The following PCSK2 variants were observed in gnomAD, a reference collection of about 807,000 sequenced individuals.
PCSK2 encodes proprotein convertase subtilisin/kexin type 2.
In PCSK2, 14 loss-of-function variants were observed where a neutral mutation model predicts 69.7. The observed-to-expected ratio is 0.20, with a 90% CI of 0.13 to 0.31. The LOEUF is 0.31. Among genes scored for constraint, PCSK2 ranks in the 10% least tolerant of loss-of-function variants. The pLI, the probability that PCSK2 is intolerant of heterozygous loss-of-function variation, is 1.00. For synonymous variants in PCSK2, 307 were observed against 320.7 expected, an observed-to-expected ratio of 0.96 and a Z score of 0.46; for missense variants, 544 against 842.5, an observed-to-expected ratio of 0.65 and a Z score of 4.39.
At chr20:17,249,840 G>T (rs193029982) in intron 1 of PCSK2, among the ~76,000 whole-genome samples, 1 of 152,080 alleles carries the variant, frequency 6.6e-6, no homozygotes, top group Non-Finnish European at 1.5e-5. Flanking sequence ...CAGGGCTGGG[G>T]GGGGAATGGA....
chr20:17,356,042 A>G (rs1455324397), intron 2 of PCSK2, among the ~76,000 whole-genome samples: 1 of 152,216 alleles, frequency 6.6e-6, no homozygotes, highest in Non-Finnish European at 1.5e-5. Context: ...TAGAGGATAT[A>G]CATGTGTGTG....
intron 2 of PCSK2, among the ~76,000 whole-genome samples, chr20:17,274,229 T>C (rs927195604): frequency 5.3e-5 from 8 of 152,284 alleles, no homozygotes; most frequent in African/African-American, 1.7e-4. Flanking sequence ...TATAATTGTA[T>C]TGGCAGCAAT....
intron 7 of PCSK2, among the ~76,000 whole-genome samples, chr20:17,432,051 C>T (rs1162696064): frequency 6.6e-6 from 1 of 152,164 alleles, no homozygotes; most frequent in African/African-American, 2.4e-5. Flanking sequence ...TCCACGCTGT[C>T]TCCAGAAAAA....
At chr20:17,476,040 T>C (rs1176229237) in intron 11 of PCSK2, among the ~76,000 whole-genome samples, 1 of 152,232 alleles carries the variant, frequency 6.6e-6, no homozygotes, top group Non-Finnish European at 1.5e-5. Flanking sequence ...AGCCCGATTC[T>C]GGGCCTGGCT....
intron 1 of PCSK2, among the ~76,000 whole-genome samples, chr20:17,231,259 T>C (rs923172349): frequency 1.3e-5 from 2 of 152,216 alleles, no homozygotes; most frequent in Non-Finnish European, 2.9e-5. Flanking sequence ...ATTTTTTAAT[T>C]TTGAAAACAA....
At chr20:17,278,960 C>T (rs999630251) in intron 2 of PCSK2, among the ~76,000 whole-genome samples, 12 of 152,086 alleles carry the variant, frequency 7.9e-5, no homozygotes, top group South Asian at 6.2e-4. Context: ...ATCCCCTAAA[C>T]GATCCATTGC....
At chr20:17,383,891 C>T (rs866537555) in intron 5 of PCSK2, among the ~76,000 whole-genome samples, 19 of 152,122 alleles carry the variant, frequency 1.2e-4, no homozygotes, top group African/African-American at 4.3e-4. Context: ...TAATTATAAT[C>T]GTGGATTCTA....
chr20:17,287,030 G>A (rs1188791309), intron 2 of PCSK2, among the ~76,000 whole-genome samples: 3 of 152,302 alleles, frequency 2.0e-5, no homozygotes, highest in East Asian at 3.9e-4. Flanking sequence ...CAGTCTGGAG[G>A]CAGAATTCCC....
At chr20:17,242,425 G>A (rs1190966493) in intron 1 of PCSK2, among the ~76,000 whole-genome samples, 1 of 152,242 alleles carries the variant, frequency 6.6e-6, no homozygotes, top group Non-Finnish European at 1.5e-5. Context: ...ATTGAAAGGG[G>A]TTGATTCTAC....
intron 2 of PCSK2, among the ~76,000 whole-genome samples, chr20:17,319,004 A>G (rs953007713): frequency 6.6e-6 from 1 of 152,248 alleles, no homozygotes; most frequent in Admixed American, 6.5e-5. Flanking sequence ...AAGACAGATC[A>G]TGCTTTGTGA....
chr20:17,231,838 G>A (rs1443202722), intron 1 of PCSK2, among the ~76,000 whole-genome samples: 2 of 152,082 alleles, frequency 1.3e-5, no homozygotes, highest in South Asian at 2.1e-4. Context: ...AAGGAATTGA[G>A]TTTCTTGTGG....
At chr20:17,273,595 T>A (rs1987949092) in intron 2 of PCSK2, among the ~76,000 whole-genome samples, 1 of 152,190 alleles carries the variant, frequency 6.6e-6, no homozygotes, top group Non-Finnish European at 1.5e-5. Context: ...TGCCTGCCCC[T>A]ACTCCATGAA....
At chr20:17,322,716 A>G (rs987034103) in intron 2 of PCSK2, among the ~76,000 whole-genome samples, 2 of 152,210 alleles carry the variant, frequency 1.3e-5, no homozygotes, top group African/African-American at 4.8e-5. Context: ...GGGAAGGAAC[A>G]CTGTGTCCTC....
At chr20:17,378,590 CGGATGGATGGATGGATGGATGGAT>C (rs57945532) in intron 5 of PCSK2, among the ~76,000 whole-genome samples, 7 of 136,302 alleles carry the variant, frequency 5.1e-5, no homozygotes, top group South Asian at 5.0e-4. Context: ...GATGGATGGA[CGGATGGATGGATGGATGGATGGAT>C]GGATGGATGG....
At chr20:17,440,394 A>G (rs1423892340) in intron 8 of PCSK2, among the ~76,000 whole-genome samples, 1 of 152,210 alleles carries the variant, frequency 6.6e-6, no homozygotes, top group Non-Finnish European at 1.5e-5. Flanking sequence ...CCTACAATGA[A>G]TAGAAAAGGG....
At chr20:17,299,589 G>A (rs1016471381) in intron 2 of PCSK2, among the ~76,000 whole-genome samples, 13 of 151,122 alleles carry the variant, frequency 8.6e-5, no homozygotes, top group Non-Finnish European at 1.6e-4. Flanking sequence ...TCCAAATACC[G>A]GAAGAATTAT....
rs8125937 is a variant in PCSK2 at position 17,325,719 on chromosome 20, A to T, written c.283-32608A>T. ...AGCGACAATGCTCCACGTGCCTCTC[A>T]TCTTTCTTAACTACTAATGGGCTAT... On this transcript the variant is annotated intron_variant, in intron 2 of 11. Transcript: ENST00000262545. Among the ~76,000 whole-genome samples, 1,511 of 152,376 alleles carry T rather than the reference A, an allele frequency of 9.9e-3. 23 individuals are homozygous for T. The highest frequency in any genetic ancestry group is 0.034 in the African/African-American group (1,416 of 41,586).
rs192114821 is a variant in PCSK2, at chr20:17,396,908, A to G, written c.544-12355A>G. Among the ~76,000 whole-genome samples the G allele has an allele frequency of 1.5e-3, 228 of 152,316 alleles. 1 individual carries two copies. The Middle Eastern group carries it at 0.024, about 16-fold the overall frequency. On this transcript the variant is annotated intron_variant, in intron 5 of 11. Coordinates refer to ENST00000262545, the MANE Select transcript of PCSK2 (RefSeq NM_002594.5). ...GTGAAGGCCTCTAGGAAATGGGAGA[A>G]ATCCAACCAGGCTGGAACAAGGCTG... is the stretch of plus-strand genomic sequence containing the variant.
chr20:17,253,535 A>G (rs1987069149), intron 1 of PCSK2, among the ~76,000 whole-genome samples: 1 of 152,198 alleles, frequency 6.6e-6, no homozygotes, highest in Admixed American at 6.5e-5. Flanking sequence ...ACCATGTGTC[A>G]TTGCTTAATT....
Sources: allele counts gnomAD v4.1 joint callset (sites outside exome capture counted in the v4.1 genomes callset), GRCh38; gene constraint gnomAD v4.1.1; transcripts MANE v1.5; gene names NCBI Gene and HGNC (gene_info 2026-07-23, HGNC 2026-07-21).